DZANK1: variants seen among roughly 807,000 people sequenced by gnomAD.
The protein encoded by DZANK1 is double zinc ribbon and ankyrin repeat domains 1, also known as double zinc ribbon and ankyrin repeat-containing protein 1.
In DZANK1, 91 loss-of-function variants were observed where a neutral mutation model predicts 94.5. The ratio of observed to expected loss-of-function variants is 0.96; its 90% CI spans 0.81 to 1.15. DZANK1 has a LOEUF of 1.15. DZANK1 is among the 50% of genes most tolerant of loss of function. DZANK1 has a pLI of 0.00. For missense variants in DZANK1, 903 were observed against 916.4 expected (o/e 0.99, Z 0.19); for synonymous variants, 312 against 325.3 (o/e 0.96, Z 0.44).
chr20:18,406,569 C>T (rs1007049475), intron 13 of DZANK1, among the ~76,000 whole-genome samples: 5 of 152,246 alleles, frequency 3.3e-5, no homozygotes, highest in African/African-American at 9.6e-5. Flanking sequence ...ATGCTGTGGG[C>T]CTTGTGCTCT....
intron 10 of DZANK1, among the ~76,000 whole-genome samples, chr20:18,423,292 C>T (rs1455371099): frequency 6.6e-6 from 1 of 152,158 alleles, no homozygotes; most frequent in Admixed American, 6.5e-5. Flanking sequence ...GAATGTTTCC[C>T]TGTCATTAAG....
At chr20:18,444,312 G>A (rs1332971985) in intron 7 of DZANK1, among the ~76,000 whole-genome samples, 1 of 152,216 alleles carries the variant, frequency 6.6e-6, no homozygotes, top group Non-Finnish European at 1.5e-5. Flanking sequence ...ACCCGCCAGA[G>A]CAACAACAGT....
At chr20:18,453,932 GT>G in intron 4 of DZANK1, 105 bp from the exon 5 acceptor site, 1 of 834,984 alleles carries the variant, frequency 1.2e-6, no homozygotes, top group Non-Finnish European at 2.1e-6. Context: ...ATTTGAAAGA[GT>G]TTATGGTCAT....
intron 12 of DZANK1, 183 bp from the exon 13 acceptor site, chr20:18,413,036 G>A: frequency 1.6e-6 from 1 of 632,770 alleles, no homozygotes; most frequent in East Asian, 2.8e-5. Context: ...GCAACTTCCA[G>A]CCTGATCCAG....
chr20:18,413,955 G>A (rs1161564375), intron 12 of DZANK1, among the ~76,000 whole-genome samples: 1 of 152,188 alleles, frequency 6.6e-6, no homozygotes, highest in Non-Finnish European at 1.5e-5. Flanking sequence ...CCAGTTGTTA[G>A]AGCTTAAGTA....
chr20:18,427,293 G>A (rs751778777), intron 9 of DZANK1, 134 bp from the exon 10 acceptor site: 1 of 536,996 alleles, frequency 1.9e-6, no homozygotes, highest in African/African-American at 1.9e-5. Flanking sequence ...TACTGGATTG[G>A]TTTAGGAGTT....
At chr20:18,426,987 G>C in intron 10 of DZANK1, 80 bp downstream of exon 10, 1 of 1,056,332 alleles carries the variant, frequency 9.5e-7, no homozygotes. Context: ...CAACCCCCTC[G>C]GCAGATTCTG....
intron 8 of DZANK1, among the ~76,000 whole-genome samples, chr20:18,436,642 A>C (rs2058537758): frequency 6.6e-6 from 1 of 152,124 alleles, no homozygotes; most frequent in African/African-American, 2.4e-5. Context: ...GAAAGAGAGA[A>C]AGGAACAGAA....
rs567277747 is a variant in DZANK1 at position 18,465,384 on chromosome 20, A to C, written c.-19-7T>G. On this transcript the variant is annotated splice_region_variant and splice_polypyrimidine_tract_variant and intron_variant, in intron 1 of 20. Coordinates refer to ENST00000262547, the Ensembl canonical transcript of DZANK1. ...TTTCTCTCTCTCTCTCTCTCTCTAT[A>C]TATATATACATATAAATTCCAATGT... is the stretch of plus-strand genomic sequence containing the variant. 29 of 1,247,864 alleles carry C rather than the reference A, an allele frequency of 2.3e-5. No homozygotes were observed. The highest frequency in any genetic ancestry group is 2.0e-4 in the Admixed American group (7 of 35,590). The allele number at this position is 1,247,864 out of a possible 1,614,324, so 77.3% of individuals were successfully genotyped here. A position where few individuals can be genotyped will look rare whatever the true frequency, so the allele number is the denominator to read the frequency against.
intron 13 of DZANK1, among the ~76,000 whole-genome samples, chr20:18,403,077 C>T (rs1460321568): frequency 1.3e-5 from 2 of 152,118 alleles, no homozygotes; most frequent in African/African-American, 2.4e-5. Flanking sequence ...TAGTATCTTC[C>T]GAGGAAGGAC....
At chr20:18,462,256 T>G (rs2059497115) in intron 2 of DZANK1, among the ~76,000 whole-genome samples, 1 of 151,958 alleles carries the variant, frequency 6.6e-6, no homozygotes, top group African/African-American at 2.4e-5. Context: ...CTCATGGAGA[T>G]TATGTTTTAG....
At position 18,417,347 on chromosome 20, in the gene DZANK1, G is replaced by A. The variant is rs55788945; in HGVS notation, c.955-1898C>T. Reference sequence around the variant, plus strand: ...ATTATTTACATAAGAAGTCCTGAATGCCTGAGGAAAGGATGTCTGAGAAAA... The same window carrying A: ...ATTATTTACATAAGAAGTCCTGAATACCTGAGGAAAGGATGTCTGAGAAAA... On this transcript the variant is annotated intron_variant, in intron 10 of 20. Transcript: ENST00000262547. Among the ~76,000 whole-genome samples the A allele has an allele frequency of 3.6e-3, 545 of 152,342 alleles. 1 individual carries two copies. Among genetic ancestry groups the A allele is most frequent in the Middle Eastern group, 6.8e-3 (2 of 294 alleles).
chr20:18,427,836 G>A lies in DZANK1; in HGVS notation c.862-677C>T, dbSNP rs148071137. Among the ~76,000 whole-genome samples the A allele has an allele frequency of 3.6e-3, 542 of 152,242 alleles. 1 individual carries two copies. The highest frequency in any genetic ancestry group is 6.8e-3 in the Middle Eastern group (2 of 294). ...CTGTAGTTTTTACTTAGAAATAGAAGAAGTGAAAAGACTGCCAAAGAAAGA... is the reference window on the plus strand; with the variant it reads ...CTGTAGTTTTTACTTAGAAATAGAAAAAGTGAAAAGACTGCCAAAGAAAGA... On this transcript the variant is annotated intron_variant, in intron 9 of 20. Transcript: ENST00000262547.
At chr20:18,450,036 C>T (rs564392063) in intron 6 of DZANK1, among the ~76,000 whole-genome samples, 2 of 151,484 alleles carry the variant, frequency 1.3e-5, no homozygotes, top group East Asian at 3.9e-4. Flanking sequence ...CAAGATCATG[C>T]CACTGCACTC....
intron 13 of DZANK1, 120 bp from the exon 14 acceptor site, chr20:18,398,746 A>T: frequency 1.0e-6 from 1 of 966,966 alleles, no homozygotes; most frequent in Non-Finnish European, 1.6e-6. Context: ...TTTGTGATGG[A>T]CTTTCCTTAG....
chr20:18,418,626 GAT>G (rs1021613177), intron 10 of DZANK1, among the ~76,000 whole-genome samples: 25 of 152,294 alleles, frequency 1.6e-4, no homozygotes, highest in African/African-American at 6.0e-4. Context: ...AGTAGGCAAT[GAT>G]ATATATGCTT....
chr20:18,436,757 G>A (rs2058541974), intron 8 of DZANK1, among the ~76,000 whole-genome samples: 1 of 151,986 alleles, frequency 6.6e-6, no homozygotes, highest in Admixed American at 6.6e-5. Flanking sequence ...AACACAAAGA[G>A]ACCCACACTT....
At position 18,387,105 on chromosome 20, in the gene DZANK1, C is replaced by T. The variant is rs61585707; in HGVS notation, c.2019-2015G>A. On this transcript the variant is annotated intron_variant, in intron 19 of 20. Coordinates refer to ENST00000262547, the Ensembl canonical transcript of DZANK1. Reference sequence around the variant, plus strand: ...CATAGAGCTTAACTCTCTGTCACTTCACCCCTATGGTTCCTTGGGCCTTTA... The same window carrying T: ...CATAGAGCTTAACTCTCTGTCACTTTACCCCTATGGTTCCTTGGGCCTTTA... Among the ~76,000 whole-genome samples, 392 of 152,340 alleles carry T rather than the reference C, an allele frequency of 2.6e-3. 5 individuals are homozygous for T. Among genetic ancestry groups the T allele is most frequent in the Admixed American group, 0.021 (324 of 15,304 alleles).
At chr20:18,457,857 T>C (rs1254065676) in intron 3 of DZANK1, among the ~76,000 whole-genome samples, 2 of 152,296 alleles carry the variant, frequency 1.3e-5, no homozygotes, top group East Asian at 1.9e-4. Context: ...ATGGGCCCTA[T>C]TATTAAAGGG....
Sources: allele counts gnomAD v4.1 joint callset (sites outside exome capture counted in the v4.1 genomes callset), GRCh38; gene constraint gnomAD v4.1.1; transcripts MANE v1.5; gene names NCBI Gene and HGNC (gene_info 2026-07-23, HGNC 2026-07-21).